L3MBTL3: variants seen among roughly 807,000 people sequenced by gnomAD.
L3MBTL3 encodes the protein L3MBTL histone methyl-lysine binding protein 3, also known as lethal(3)malignant brain tumor-like protein 3.
Under a neutral mutation model 102.3 loss-of-function variants are expected in L3MBTL3, and 27 were observed. The ratio of observed to expected loss-of-function variants is 0.26; its 90% CI spans 0.19 to 0.36. The LOEUF (loss-of-function observed/expected upper bound fraction) is 0.36, where lower values mean the gene tolerates loss of function less well. L3MBTL3 is among the 10% of genes least tolerant of loss of function. The probability of loss-of-function intolerance (pLI) is 1.00; values close to 1 mark genes in which losing one functional copy is unlikely to be tolerated. For synonymous variants in L3MBTL3, 340 were observed against 320.9 expected (o/e 1.06, Z -0.64); for missense variants, 798 against 955.3 (o/e 0.84, Z 2.17).
chr6:130,028,623 G>A (rs373437136), intron 2 of L3MBTL3, among the ~76,000 whole-genome samples: 9 of 152,214 alleles, frequency 5.9e-5, no homozygotes, highest in African/African-American at 1.9e-4. Flanking sequence ...ATATATGTGT[G>A]ATTCAGAGTA....
rs138255819 is a variant in L3MBTL3 at position 130,064,479 on chromosome 6, T to C, written c.865-1874T>C. ...GAAGTAGAGAGGAAGGGAGTCAAAA[T>C]GCCAGGGTATTGGATAAGTCATCCA... On this transcript the variant is annotated intron_variant, in intron 10 of 22. Coordinates refer to ENST00000361794, the MANE Select transcript of L3MBTL3 (RefSeq NM_032438.4). Among the ~76,000 whole-genome samples, 1,168 of 152,192 alleles carry C rather than the reference T, an allele frequency of 7.7e-3. 20 individuals are homozygous for C. Among genetic ancestry groups the C allele is most frequent in the African/African-American group, 0.026 (1,100 of 41,512 alleles).
intron 19 of L3MBTL3, among the ~76,000 whole-genome samples, chr6:130,113,130 G>A (rs1785456480): frequency 6.6e-6 from 1 of 152,058 alleles, no homozygotes; most frequent in Non-Finnish European, 1.5e-5. Flanking sequence ...TAAAACTGTG[G>A]GTCTCAAACT....
intron 19 of L3MBTL3, among the ~76,000 whole-genome samples, chr6:130,107,944 T>G (rs1785088732): frequency 6.6e-6 from 1 of 152,072 alleles, no homozygotes; most frequent in Non-Finnish European, 1.5e-5. Context: ...AACAAATGAG[T>G]GAGTGGTTGA....
intron 13 of L3MBTL3, among the ~76,000 whole-genome samples, chr6:130,071,838 A>G (rs1016327746): frequency 6.6e-6 from 1 of 152,182 alleles, no homozygotes; most frequent in African/African-American, 2.4e-5. Context: ...ATTTTTTAGT[A>G]TCCATATATT....
chr6:130,123,615 A>G (rs1036920693), intron 20 of L3MBTL3, among the ~76,000 whole-genome samples: 1 of 152,198 alleles, frequency 6.6e-6, no homozygotes, highest in Admixed American at 6.5e-5. Context: ...CATAAAATTT[A>G]TCTATAGTGA....
At chr6:130,062,023 A>G (rs1463375829) in intron 10 of L3MBTL3, among the ~76,000 whole-genome samples, 1 of 152,192 alleles carries the variant, frequency 6.6e-6, no homozygotes, top group Non-Finnish European at 1.5e-5. Flanking sequence ...TTACAAAATC[A>G]TTGTGAGGAA....
chr6:130,034,499 C>T (rs970476857), intron 2 of L3MBTL3, among the ~76,000 whole-genome samples: 1 of 152,112 alleles, frequency 6.6e-6, no homozygotes, highest in African/African-American at 2.4e-5. Flanking sequence ...GTTTTGTTCG[C>T]ACAATGTGTC....
chr6:130,069,044 G>C (rs1782458830), intron 12 of L3MBTL3, among the ~76,000 whole-genome samples: 1 of 152,218 alleles, frequency 6.6e-6, no homozygotes, highest in South Asian at 2.1e-4. Flanking sequence ...GGTCAGAGCT[G>C]AGTTGGAGGA....
At chr6:130,114,965 A>C (rs191620531) in intron 19 of L3MBTL3, among the ~76,000 whole-genome samples, 1 of 152,114 alleles carries the variant, frequency 6.6e-6, no homozygotes, top group Admixed American at 6.6e-5. Flanking sequence ...TATTCTTTTA[A>C]ACTTTCTTTA....
At chr6:130,105,986 T>C (rs1784957162) in intron 19 of L3MBTL3, among the ~76,000 whole-genome samples, 1 of 152,174 alleles carries the variant, frequency 6.6e-6, no homozygotes, top group African/African-American at 2.4e-5. Context: ...ACCGTTTCGG[T>C]GTTCTGTCTT....
intron 18 of L3MBTL3, among the ~76,000 whole-genome samples, chr6:130,099,474 T>C (rs1784558123): frequency 6.6e-6 from 1 of 152,316 alleles, no homozygotes. Context: ...AAAGTTCATA[T>C]GCAGTTTTAG....
In L3MBTL3 at chr6:130,071,071, G is replaced by C. The variant is rs1236942860; in HGVS notation, c.1188G>C (p.Met396Ile). 1.2e-6 allele frequency: 2 copies of C among 1,613,198 alleles called. No individual in the cohort carries two copies. The highest frequency in any genetic ancestry group is 1.7e-6 in the Non-Finnish European group (2 of 1,179,326). The change falls in exon 13 of 23, where the codon ATG becomes ATC. Residue 396 changes from methionine (M) to isoleucine (I), a missense_variant. Transcript: ENST00000361794. Reference sequence around the variant, plus strand: ...TCTGTGTTGCTACGGTAACAGATATGGTGGACAATCGTTTCCTGGTACATT... The same window carrying C: ...TCTGTGTTGCTACGGTAACAGATATCGTGGACAATCGTTTCCTGGTACATT... ...SFICVATVTD[M>I]VDNRFLVHFD...
chr6:130,139,464 A>G, intron 22 of L3MBTL3, 146 bp from the exon 23 acceptor site: 1 of 687,168 alleles, frequency 1.5e-6, no homozygotes. Context: ...AGGTCCATAT[A>G]TCAAGAAATG....
chr6:130,066,576 T>G, intron 11 of L3MBTL3, 88 bp downstream of exon 11: 4 of 1,215,864 alleles, frequency 3.3e-6, no homozygotes, highest in Non-Finnish European at 4.6e-6. Flanking sequence ...ATTCAGACTT[T>G]ATGAAAATTC....
chr6:130,085,209 C>CA (rs1470911118), intron 15 of L3MBTL3, among the ~76,000 whole-genome samples: 1 of 152,130 alleles, frequency 6.6e-6, no homozygotes, highest in African/African-American at 2.4e-5. Context: ...AACATTATGC[C>CA]AAACAATCAC....
chr6:130,040,420 C>T (rs1204958541), intron 2 of L3MBTL3, among the ~76,000 whole-genome samples: 1 of 151,806 alleles, frequency 6.6e-6, no homozygotes, highest in Non-Finnish European at 1.5e-5. Flanking sequence ...ATGTGTTGGT[C>T]ATTTTGAAAA....
intron 3 of L3MBTL3, among the ~76,000 whole-genome samples, chr6:130,043,281 G>A (rs1011355372): frequency 1.3e-5 from 2 of 152,162 alleles, no homozygotes; most frequent in Admixed American, 1.3e-4. Context: ...TAATTATACT[G>A]TAAATATGGA....
intron 14 of L3MBTL3, among the ~76,000 whole-genome samples, chr6:130,082,194 A>G (rs1280495988): frequency 1.3e-5 from 2 of 152,172 alleles, no homozygotes; most frequent in Non-Finnish European, 2.9e-5. Flanking sequence ...TCTGTAACTA[A>G]TAAGTATTTT....
chr6:130,021,233 A>T (rs1778993880), intron 1 of L3MBTL3, among the ~76,000 whole-genome samples: 1 of 152,142 alleles, frequency 6.6e-6, no homozygotes. Context: ...TAGTGGTTGA[A>T]CGCGTCTTTT....
Sources: allele counts gnomAD v4.1 joint callset (sites outside exome capture counted in the v4.1 genomes callset), GRCh38; gene constraint gnomAD v4.1.1; transcripts MANE v1.5; gene names NCBI Gene and HGNC (gene_info 2026-07-23, HGNC 2026-07-21).